The following BLNK variants were observed in gnomAD, a reference collection of about 807,000 sequenced individuals.
BLNK encodes B-cell linker protein.
In BLNK, 29 loss-of-function variants were observed where a neutral mutation model predicts 73.5. The ratio of observed to expected loss-of-function variants is 0.39; its 90% CI spans 0.29 to 0.54. BLNK has a LOEUF of 0.54. Ranked by LOEUF, BLNK falls within the 20% of genes least tolerant of loss-of-function variation. The pLI, the probability that BLNK is intolerant of heterozygous loss-of-function variation, is 0.61. For missense variants in BLNK, 460 were observed against 562.8 expected, an observed-to-expected ratio of 0.82 and a Z score of 1.85; for synonymous variants, 176 against 200.8, an observed-to-expected ratio of 0.88 and a Z score of 1.04.
In BLNK at chr10:96,200,289, G is replaced by T; in HGVS notation, c.1012-131C>A. 3.2e-5 allele frequency: 20 copies of T among 623,538 alleles called. No individual in the cohort carries two copies. The highest frequency in any genetic ancestry group is 9.1e-5 in the East Asian group (3 of 33,022). 38.6% of individuals were successfully genotyped at this position (623,538 alleles called of 1,614,324 possible). A position where few individuals can be genotyped will look rare whatever the true frequency, so the allele number is the denominator to read the frequency against. ...ATTTACACCAATAATTTTAAGATGA[G>T]TTTTATTTTTCCTTTGATCAAACAC... On this transcript the variant is annotated intron_variant, in intron 14 of 16. Coordinates refer to ENST00000224337, the MANE Select transcript of BLNK (RefSeq NM_013314.4). The surrounding 1 kb of genome is among the most constrained non-coding windows in gnomAD (Gnocchi z 4.3).
intron 1 of BLNK, among the ~76,000 whole-genome samples, chr10:96,258,367 C>G (rs1843607974): frequency 1.3e-5 from 2 of 152,154 alleles, no homozygotes; most frequent in African/African-American, 4.8e-5. Context: ...GTGTCTCAGA[C>G]TATACAGCTG....
chr10:96,251,373 A>G (rs1205101325), intron 1 of BLNK, among the ~76,000 whole-genome samples: 4 of 152,248 alleles, frequency 2.6e-5, no homozygotes, highest in African/African-American at 4.8e-5. Flanking sequence ...AGCACATGCC[A>G]TAGCAAAAGA....
chr10:96,192,301 T>C lies in BLNK; in HGVS notation c.1252-209A>G, dbSNP rs76157825. Among the ~76,000 whole-genome samples, 4,626 of 151,750 alleles carry C rather than the reference T, an allele frequency of 0.03. 765 individuals carry two copies. In the East Asian group the frequency reaches 0.49, roughly 16 times the overall value. On this transcript the variant is annotated intron_variant, in intron 16 of 16. Coordinates refer to ENST00000224337, the MANE Select transcript of BLNK (RefSeq NM_013314.4). ...GTATTAAGTACGAAGAAAAACACACTGACAGCCTCAATTAGCATAGCTACT... is the reference window on the plus strand; with the variant it reads ...GTATTAAGTACGAAGAAAAACACACCGACAGCCTCAATTAGCATAGCTACT...
chr10:96,231,933 A>C (rs991440319), intron 3 of BLNK, among the ~76,000 whole-genome samples: 5 of 152,220 alleles, frequency 3.3e-5, no homozygotes, highest in Admixed American at 3.3e-4. Flanking sequence ...TGGGCTCTGC[A>C]TGGGCATAGA....
chr10:96,217,563 G>A (rs2084096561), intron 6 of BLNK, among the ~76,000 whole-genome samples: 1 of 152,096 alleles, frequency 6.6e-6, no homozygotes, highest in Non-Finnish European at 1.5e-5. Flanking sequence ...GACTAATGAT[G>A]TTGAGTATCT....
chr10:96,266,347 T>C (rs782677634), intron 1 of BLNK, among the ~76,000 whole-genome samples: 4 of 152,200 alleles, frequency 2.6e-5, no homozygotes, highest in Non-Finnish European at 2.9e-5. Flanking sequence ...TGGAAACATG[T>C]TGTGTGAAGA....
At chr10:96,213,838 C>T (rs1403986277) in intron 8 of BLNK, among the ~76,000 whole-genome samples, 13 of 152,116 alleles carry the variant, frequency 8.5e-5, no homozygotes, top group African/African-American at 2.2e-4. Context: ...AACCTGGTCA[C>T]GATGTTTTAG....
chr10:96,234,628 A>G (rs7900161), intron 3 of BLNK, among the ~76,000 whole-genome samples: 107,761 of 152,166 alleles, frequency 0.71, 40,907 homozygotes, highest in Non-Finnish European at 0.84. Flanking sequence ...GTGAGAATCA[A>G]ATAATAAAAT....
intron 1 of BLNK, among the ~76,000 whole-genome samples, chr10:96,265,717 C>T (rs2134150117): frequency 6.6e-6 from 1 of 152,320 alleles, no homozygotes; most frequent in East Asian, 1.9e-4. Context: ...TACACGTTGT[C>T]ACTATAAGCA....
intron 1 of BLNK, among the ~76,000 whole-genome samples, chr10:96,250,287 C>T (rs1025801422): frequency 6.6e-6 from 1 of 152,106 alleles, no homozygotes; most frequent in Non-Finnish European, 1.5e-5. Flanking sequence ...CACATATACT[C>T]TATGCCAAAC....
At chr10:96,245,731 G>A (rs1486016950) in intron 2 of BLNK, among the ~76,000 whole-genome samples, 2 of 152,168 alleles carry the variant, frequency 1.3e-5, no homozygotes, top group Non-Finnish European at 2.9e-5. Flanking sequence ...CATGCACTAT[G>A]ATACCATTTA....
intron 4 of BLNK, among the ~76,000 whole-genome samples, chr10:96,227,990 C>A (rs1554903005): frequency 6.6e-6 from 1 of 151,904 alleles, no homozygotes; most frequent in Non-Finnish European, 1.5e-5. Flanking sequence ...ACACACAGGG[C>A]CAGCTAGATA....
At chr10:96,212,377 G>A (rs1591313047) in intron 8 of BLNK, among the ~76,000 whole-genome samples, 1 of 152,112 alleles carries the variant, frequency 6.6e-6, no homozygotes, top group African/African-American at 2.4e-5. Context: ...AGCATTTTAT[G>A]AGTGCAAGTC....
chr10:96,192,102 G>T lies in BLNK; in HGVS notation c.1252-10C>A. On this transcript the variant is annotated splice_polypyrimidine_tract_variant and intron_variant, in intron 16 of 16. Transcript: ENST00000224337. ...CAACACTTCCAAAGTACTAGAGGAA[G>T]AAAACATAGATGAATTATACTTTGG... 6.2e-7 allele frequency: 1 copy of T among 1,613,344 alleles called. No homozygotes were observed. Among genetic ancestry groups the T allele is most frequent in the Non-Finnish European group, 8.5e-7 (1 of 1,179,608 alleles).
intron 1 of BLNK, among the ~76,000 whole-genome samples, chr10:96,268,213 G>C (rs1039213612): frequency 6.6e-6 from 1 of 152,130 alleles, no homozygotes; most frequent in Non-Finnish European, 1.5e-5. Flanking sequence ...GAATCAATTG[G>C]GAGGTTATTA....
intron 1 of BLNK, among the ~76,000 whole-genome samples, chr10:96,260,978 G>T (rs1228766598): frequency 6.6e-6 from 1 of 151,992 alleles, no homozygotes; most frequent in Non-Finnish European, 1.5e-5. Context: ...TGAGTAGCTG[G>T]AACTACAGGC....
intron 3 of BLNK, among the ~76,000 whole-genome samples, chr10:96,233,902 A>G (rs782197495): frequency 2.0e-5 from 3 of 152,274 alleles, no homozygotes; most frequent in Non-Finnish European, 2.9e-5. Context: ...ACAAAGGAAC[A>G]TTAGGATAGC....
chr10:96,255,276 C>T (rs943269092), intron 1 of BLNK, among the ~76,000 whole-genome samples: 2 of 152,158 alleles, frequency 1.3e-5, no homozygotes, highest in African/African-American at 2.4e-5. Flanking sequence ...GCAGATATTT[C>T]GGCCAGATCA....
intron 16 of BLNK, among the ~76,000 whole-genome samples, chr10:96,196,580 A>T (rs2083471617): frequency 6.6e-6 from 1 of 152,120 alleles, no homozygotes; most frequent in Admixed American, 6.5e-5. Flanking sequence ...CTGGAACTTG[A>T]CCCTAATTCT....
Sources: allele counts gnomAD v4.1 joint callset (sites outside exome capture counted in the v4.1 genomes callset), GRCh38; gene constraint gnomAD v4.1.1; non-coding constraint Gnocchi (gnomAD v3.1); transcripts MANE v1.5; gene names NCBI Gene and HGNC (gene_info 2026-07-23, HGNC 2026-07-21).